Variants in HYDIN observed in about 807,000 individuals in gnomAD.
The protein encoded by HYDIN is HYDIN axonemal central pair apparatus protein, also known as axonemal central pair apparatus protein HYDIN.
A neutral mutation model predicts 403.9 loss-of-function variants in HYDIN; 132 were observed. That is an observed-to-expected ratio of 0.33 (90% CI 0.28 to 0.38). The LOEUF is 0.38. HYDIN is among the 10% of genes least tolerant of loss of function. HYDIN has a pLI of 1.00. For missense variants in HYDIN, 2,827 were observed against 5,009.5 expected (o/e 0.56, Z 13.15); for synonymous variants, 1,202 against 1,891.7 (o/e 0.64, Z 9.46).
At chr16:71,133,281 C>A (rs1161081427) in intron 8 of HYDIN, 1 of 456,282 alleles carries the variant, frequency 2.2e-6, no homozygotes, top group Non-Finnish European at 4.4e-6. Flanking sequence ...TGGAGCCATC[C>A]ACCTTCAAAT....
At chr16:71,199,564 C>A (rs1002093414) in intron 1 of HYDIN, among the ~76,000 whole-genome samples, 3 of 152,132 alleles carry the variant, frequency 2.0e-5, no homozygotes, top group Non-Finnish European at 4.4e-5. Flanking sequence ...CTAGACTTGG[C>A]CTGGTAATCC....
intron 4 of HYDIN, among the ~76,000 whole-genome samples, chr16:71,178,223 C>A (rs1218852680): frequency 6.6e-6 from 1 of 151,988 alleles, no homozygotes; most frequent in Non-Finnish European, 1.5e-5. Context: ...AGCTTGAGAG[C>A]AGCCTGACCA....
chr16:71,039,634 C>A (rs919438204), intron 18 of HYDIN, among the ~76,000 whole-genome samples: 3 of 152,114 alleles, frequency 2.0e-5, no homozygotes, highest in Non-Finnish European at 2.9e-5. Flanking sequence ...ACTTTGATGG[C>A]ATAACTTCAG....
At chr16:71,157,466 T>A (rs2085818784) in intron 6 of HYDIN, among the ~76,000 whole-genome samples, 1 of 150,730 alleles carries the variant, frequency 6.6e-6, no homozygotes, top group Non-Finnish European at 1.5e-5. Flanking sequence ...TTAGAACGGA[T>A]CCTTGTCAGG....
At chr16:71,034,257 G>A (rs1268372952) in intron 18 of HYDIN, among the ~76,000 whole-genome samples, 2 of 152,034 alleles carry the variant, frequency 1.3e-5, no homozygotes, top group Non-Finnish European at 2.9e-5. Context: ...CTAGCAAAAG[G>A]AGAAAAAAGA....
At chr16:70,871,660 A>T (rs2040110538) in intron 65 of HYDIN, among the ~76,000 whole-genome samples, 1 of 149,590 alleles carries the variant, frequency 6.7e-6, no homozygotes, top group Non-Finnish European at 1.5e-5. Context: ...AGAACCCATC[A>T]CCCCCATTCT....
At chr16:71,204,205 T>C in intron 1 of HYDIN, 1 of 154,254 alleles carries the variant, frequency 6.5e-6, no homozygotes, top group Non-Finnish European at 1.4e-5. Context: ...GCAAACATTA[T>C]TAAAAATTGA....
At chr16:71,004,114 G>A (rs1451345998) in intron 23 of HYDIN, among the ~76,000 whole-genome samples, 1 of 151,204 alleles carries the variant, frequency 6.6e-6, no homozygotes, top group Non-Finnish European at 1.5e-5. Context: ...CAGGAGTTCA[G>A]GACCAGCCTG....
intron 39 of HYDIN, among the ~76,000 whole-genome samples, chr16:70,956,475 G>C (rs935449281): frequency 1.3e-5 from 2 of 152,192 alleles, no homozygotes; most frequent in Admixed American, 6.5e-5. Flanking sequence ...TAGGGTAAAA[G>C]AGACTTTGCA....
intron 21 of HYDIN, among the ~76,000 whole-genome samples, chr16:71,020,720 G>A (rs1026612990): frequency 6.6e-6 from 1 of 151,034 alleles, no homozygotes; most frequent in Non-Finnish European, 1.5e-5. Context: ...GAGGCATGAA[G>A]ATCACTTGAA....
At chr16:71,070,544 C>G (rs1597708061) in intron 13 of HYDIN, among the ~76,000 whole-genome samples, 2 of 133,182 alleles carry the variant, frequency 1.5e-5, no homozygotes, top group South Asian at 2.5e-4. Context: ...GGCCAGGCTG[C>G]TCTTGAACTC....
chr16:71,050,459 C>T (rs2081598424), intron 18 of HYDIN, among the ~76,000 whole-genome samples: 1 of 150,542 alleles, frequency 6.6e-6, no homozygotes, highest in South Asian at 2.1e-4. Context: ...AGAAATAAAA[C>T]AAGAAAAAAA....
In HYDIN at chr16:70,805,403, C is replaced by T. The variant is rs755332595; in HGVS notation, c.*2177G>A. 1.3e-5 allele frequency among the ~76,000 whole-genome samples: 2 copies of T among 152,156 alleles called. No homozygotes were observed. The highest frequency in any genetic ancestry group is 6.5e-5 in the Admixed American group (1 of 15,272). On this transcript the variant is annotated 3_prime_UTR_variant, in exon 86 of 86. Coordinates refer to ENST00000393567, the MANE Select transcript of HYDIN (RefSeq NM_001270974.2). ...GATGCTGCAGGTCCATAGGCCACTC[C>T]GAATAACCAGGAGGCTCGAGGCTTT...
At chr16:71,117,709 T>C (rs565977063) in intron 9 of HYDIN, among the ~76,000 whole-genome samples, 332 of 152,126 alleles carry the variant, frequency 2.2e-3, no homozygotes, top group Non-Finnish European at 3.5e-3. Flanking sequence ...CCCTGGTGCA[T>C]TCTCTATTTG....
At chr16:71,226,108 T>G (rs1271949910) in intron 1 of HYDIN, among the ~76,000 whole-genome samples, 2 of 152,212 alleles carry the variant, frequency 1.3e-5, no homozygotes, top group African/African-American at 4.8e-5. Flanking sequence ...GCCAATTCAA[T>G]TTTGAAAAAT....
intron 1 of HYDIN, among the ~76,000 whole-genome samples, chr16:71,194,605 T>C (rs2087601463): frequency 1.3e-5 from 2 of 152,168 alleles, no homozygotes; most frequent in African/African-American, 2.4e-5. Flanking sequence ...ACTCTAACAA[T>C]TACCTATTGG....
intron 21 of HYDIN, among the ~76,000 whole-genome samples, chr16:71,022,496 C>T: frequency 6.6e-6 from 1 of 152,246 alleles, no homozygotes; most frequent in South Asian, 2.1e-4. Context: ...TTCCTATAGA[C>T]AGGGTTGTTA....
chr16:70,957,019 GATTTAGTGGTTCTAA>G (rs1314826270), intron 39 of HYDIN, among the ~76,000 whole-genome samples: 2 of 140,126 alleles, frequency 1.4e-5, no homozygotes, highest in East Asian at 4.3e-4. Flanking sequence ...ATAAGTATAT[GATTTAGTGGTTCTAA>G]GTACATTCAC....
chr16:70,981,275 G>T, intron 29 of HYDIN, 116 bp downstream of exon 29: 1 of 1,423,022 alleles, frequency 7.0e-7, no homozygotes, highest in Non-Finnish European at 9.3e-7. Flanking sequence ...TAACGTGGAA[G>T]AGAACCACAG....
Sources: gnomAD v4.1 joint callset for allele counts (sites outside exome capture counted in the v4.1 genomes callset) on GRCh38, gnomAD v4.1.1 for gene constraint, MANE v1.5 for transcripts, NCBI Gene and HGNC (gene_info 2026-07-23, HGNC 2026-07-21) for gene names.